Variants in CCDC138 observed in about 807,000 individuals in gnomAD.
CCDC138 encodes the protein coiled-coil domain-containing protein 138.
In CCDC138, 66 loss-of-function variants were observed where a neutral mutation model predicts 82.3. The ratio of observed to expected loss-of-function variants is 0.80; its 90% CI spans 0.66 to 0.98. The LOEUF is 0.98. CCDC138 is among the 50% of genes least tolerant of loss of function. The pLI is 0.00. For synonymous variants in CCDC138, 297 were observed against 265.4 expected (o/e 1.12, Z -1.16); for missense variants, 816 against 758.9 (o/e 1.08, Z -0.88).
At chr2:108,800,771 T>C (rs1449237021) in intron 6 of CCDC138, among the ~76,000 whole-genome samples, 2 of 114,664 alleles carry the variant, frequency 1.7e-5, no homozygotes, top group Non-Finnish European at 1.8e-5. Flanking sequence ...ATGCTATCCC[T>C]CCCCACTCCC....
intron 6 of CCDC138, among the ~76,000 whole-genome samples, chr2:108,798,983 A>G (rs1681425278): frequency 6.6e-6 from 1 of 152,156 alleles, no homozygotes; most frequent in Non-Finnish European, 1.5e-5. Context: ...AATGCTAACT[A>G]AATAACTTAT....
At chr2:108,823,848 G>T (rs972729141) in intron 10 of CCDC138, among the ~76,000 whole-genome samples, 5 of 152,082 alleles carry the variant, frequency 3.3e-5, no homozygotes, top group African/African-American at 1.2e-4. Context: ...GTGGTGGCGG[G>T]CATCTGTAAT....
At chr2:108,823,714 C>T (rs1686089248) in intron 10 of CCDC138, among the ~76,000 whole-genome samples, 1 of 152,218 alleles carries the variant, frequency 6.6e-6, no homozygotes, top group African/African-American at 2.4e-5. Flanking sequence ...GGCTCAGTGG[C>T]TCATGCCTGT....
chr2:108,862,702 A>C (rs1042224108), intron 13 of CCDC138, among the ~76,000 whole-genome samples: 1 of 152,210 alleles, frequency 6.6e-6, no homozygotes, highest in Non-Finnish European at 1.5e-5. Context: ...AAAACCAACA[A>C]ATATCCCAGA....
At chr2:108,872,139 A>G (rs1212301767) in intron 13 of CCDC138, among the ~76,000 whole-genome samples, 4 of 152,196 alleles carry the variant, frequency 2.6e-5, no homozygotes, top group Non-Finnish European at 4.4e-5. Flanking sequence ...AACTTAGTAA[A>G]TAAACATTGC....
intron 13 of CCDC138, among the ~76,000 whole-genome samples, chr2:108,862,077 G>GTTTTTT (rs71383810): frequency 1.4e-5 from 2 of 141,386 alleles, no homozygotes; most frequent in Non-Finnish European, 3.0e-5. Context: ...TATGATTTCA[G>GTTTTTT]TTTTTTTTTT....
intron 6 of CCDC138, among the ~76,000 whole-genome samples, chr2:108,803,942 C>T (rs1027211894): frequency 8.5e-5 from 13 of 152,256 alleles, no homozygotes; most frequent in South Asian, 2.1e-4. Context: ...GTATTTGTGA[C>T]TATATCCTAA....
chr2:108,842,150 CCTG>C (rs1328929771), intron 11 of CCDC138, among the ~76,000 whole-genome samples: 40 of 152,114 alleles, frequency 2.6e-4, no homozygotes, highest in African/African-American at 9.6e-4. Flanking sequence ...GCCTCAGCCT[CCTG>C]TGTAGCTAGG....
chr2:108,835,233 T>G (rs1490550826), intron 10 of CCDC138, among the ~76,000 whole-genome samples: 1 of 152,232 alleles, frequency 6.6e-6, no homozygotes, highest in Non-Finnish European at 1.5e-5. Flanking sequence ...TGTTTTGACT[T>G]GTAATTTCAG....
intron 10 of CCDC138, among the ~76,000 whole-genome samples, chr2:108,831,997 T>C (rs1411190745): frequency 1.3e-5 from 2 of 152,020 alleles, no homozygotes; most frequent in Admixed American, 1.3e-4. Context: ...CCTCCCGAAG[T>C]GCTGGGATTA....
chr2:108,786,958 G>A (rs951857362), intron 1 of CCDC138, 43 bp downstream of exon 1: 2 of 1,368,666 alleles, frequency 1.5e-6, no homozygotes, highest in African/African-American at 1.5e-5. Flanking sequence ...TCCTGCTGCT[G>A]GGGGGCGGCC....
intron 2 of CCDC138, 152 bp from the exon 3 acceptor site, chr2:108,788,700 A>G: frequency 9.5e-7 from 1 of 1,049,008 alleles, no homozygotes; most frequent in Non-Finnish European, 1.3e-6. Flanking sequence ...AGCCTGGGTG[A>G]CAGAGCGAGA....
chr2:108,804,057 T>G (rs1682434010), intron 6 of CCDC138, among the ~76,000 whole-genome samples: 1 of 152,176 alleles, frequency 6.6e-6, no homozygotes, highest in Non-Finnish European at 1.5e-5. Context: ...CTCTGATCTC[T>G]CCATTTTTGT....
chr2:108,835,175 A>T (rs1321905362), intron 10 of CCDC138, among the ~76,000 whole-genome samples: 5 of 150,856 alleles, frequency 3.3e-5, no homozygotes, highest in Non-Finnish European at 5.9e-5. Context: ...TGATTCAAAC[A>T]TTAGTTGTTG....
intron 4 of CCDC138, among the ~76,000 whole-genome samples, chr2:108,792,662 A>G (rs532150446): frequency 2.4e-4 from 37 of 152,200 alleles, no homozygotes; most frequent in African/African-American, 7.7e-4. Flanking sequence ...AATTCATACT[A>G]TGTTTTATTT....
At chr2:108,843,886 CTTTTTTTTTTTTTTTT>C in intron 11 of CCDC138, among the ~76,000 whole-genome samples, 1 of 94,018 alleles carries the variant, frequency 1.1e-5, no homozygotes, top group South Asian at 3.6e-4. Context: ...GTGTTTCTTT[CTTTTTTTTTTTTTTTT>C]TTTTTTGAGA....
At chr2:108,863,337 T>G (rs56127221) in intron 13 of CCDC138, among the ~76,000 whole-genome samples, 6,761 of 152,318 alleles carry the variant, frequency 0.044, 217 homozygotes, top group Non-Finnish European at 0.07. Context: ...AAAAATTCCC[T>G]TTAGGAAATA....
Position 108,794,590 on chromosome 2 carries a change from A to C in CCDC138, c.445A>C (p.Ser149Arg), listed in dbSNP as rs1424269469. The change falls in exon 5 of 15, where the codon AGT becomes CGT. Residue 149 changes from serine to arginine, a missense_variant. Transcript: ENST00000295124. ...TSSRPRTECC[S>R]DAGDSPLKPV... ...ATCGAGACCTCGGACTGAGTGTTGT[A>C]GTGATGCAGGTGACTCTCCTTTGAA... 1 of 1,613,992 alleles carries C rather than the reference A, an allele frequency of 6.2e-7. No homozygotes were observed. The highest frequency in any genetic ancestry group is 1.3e-5 in the African/African-American group (1 of 74,936).
rs1402675558 is a variant in CCDC138 at position 108,841,016 on chromosome 2, G to T, written c.1323+1715G>T. Among the ~76,000 whole-genome samples the T allele has an allele frequency of 1.3e-4, 19 of 151,552 alleles. 1 individual carries two copies. The highest frequency in any genetic ancestry group is 5.9e-4 in the Admixed American group (9 of 15,176). Reference sequence around the variant, plus strand: ...TTGTGTGTGTGTTTTTTGTTTGTTTGTTTGTTTGTTTGTTTGTTTTTTAGT... The same window carrying T: ...TTGTGTGTGTGTTTTTTGTTTGTTTTTTTGTTTGTTTGTTTGTTTTTTAGT... On this transcript the variant is annotated intron_variant, in intron 11 of 14. Coordinates refer to ENST00000295124, the MANE Select transcript of CCDC138 (RefSeq NM_144978.3).
Sources: gnomAD v4.1 joint callset for allele counts (sites outside exome capture counted in the v4.1 genomes callset) on GRCh38, gnomAD v4.1.1 for gene constraint, MANE v1.5 for transcripts, NCBI Gene and HGNC (gene_info 2026-07-23, HGNC 2026-07-21) for gene names.